FBXO27: variants seen among roughly 807,000 people sequenced by gnomAD.
FBXO27 encodes the protein F-box protein 27.
In FBXO27, 28 loss-of-function variants were observed where a neutral mutation model predicts 28.3. The ratio of observed to expected loss-of-function variants is 0.99; its 90% CI spans 0.73 to 1.36. The LOEUF is 1.36. Ranked by LOEUF, FBXO27 falls within the 40% of genes most tolerant of loss-of-function variation. The pLI, the probability that FBXO27 is intolerant of heterozygous loss-of-function variation, is 0.00. For synonymous variants in FBXO27, 175 were observed against 167.3 expected, an observed-to-expected ratio of 1.05 and a Z score of -0.36; for missense variants, 388 against 394.1, an observed-to-expected ratio of 0.98 and a Z score of 0.13.
chr19:39,032,496 G>C lies in FBXO27; in HGVS notation c.-27+7C>G, dbSNP rs936662683. The C allele has an allele frequency of 4.8e-6, 2 of 412,836 alleles. No homozygotes were observed. Among genetic ancestry groups the C allele is most frequent in the South Asian group, 4.3e-5 (1 of 23,328 alleles). The allele number at this position is 412,836 out of a possible 1,614,324, so 25.6% of individuals were successfully genotyped here. A position where few individuals can be genotyped will look rare whatever the true frequency, so the allele number is the denominator to read the frequency against. ...CGGCCGCACCGACACCGCACCCCAA[G>C]TCCTACCCCGGGGCCTGGCGGCGCT... On this transcript the variant is annotated splice_region_variant and intron_variant, in intron 1 of 5. Coordinates refer to ENST00000292853, the MANE Select transcript of FBXO27 (RefSeq NM_178820.5). The surrounding 1 kb of genome is among the most constrained non-coding windows in gnomAD (Gnocchi z 4.7).
Position 39,032,199 on chromosome 19 carries a change from G to A in FBXO27, c.29C>T (p.Ala10Val). The change falls in exon 2 of 6, where the codon GCC (alanine) becomes GTC (valine). Residue 10 changes from alanine (A) to valine (V), a missense_variant. Physicochemically the swap from Ala to Val is moderately conservative, Grantham distance 64 (BLOSUM62 0). Coordinates refer to ENST00000292853, the MANE Select transcript of FBXO27 (RefSeq NM_178820.5). The surrounding 1 kb of genome is among the most constrained non-coding windows in gnomAD (Gnocchi z 4.7). Reference protein sequence around the residue: MGASVSRGRAARVPAPEPEP... With the variant: MGASVSRGRVARVPAPEPEP... Reference sequence around the variant, plus strand: ...CGGCTCCGGCGCGGGGACCCGGGCGGCCCGGCCCCTGGAGACCGAGGCGCC... The same window carrying A: ...CGGCTCCGGCGCGGGGACCCGGGCGACCCGGCCCCTGGAGACCGAGGCGCC... The A allele has an allele frequency of 1.4e-6, 2 of 1,476,520 alleles. No individual in the cohort carries two copies. The highest frequency in any genetic ancestry group is 2.4e-4 in the Middle Eastern group (1 of 4,196). The allele number at this position is 1,476,520 out of a possible 1,614,324, so 91.5% of individuals were successfully genotyped here.
chr19:39,027,346 C>T (rs1000111855), intron 4 of FBXO27, among the ~76,000 whole-genome samples: 6 of 152,280 alleles, frequency 3.9e-5, no homozygotes, highest in East Asian at 1.9e-4. Context: ...AGATTAACCA[C>T]GTGGGCAATC....
chr19:39,022,146 CTTTTTTTTTTTT>C (rs532602600), downstream of FBXO27, among the ~76,000 whole-genome samples: 8 of 89,052 alleles, frequency 9.0e-5, no homozygotes, highest in South Asian at 4.4e-4. Context: ...ATTTTCTATT[CTTTTTTTTTTTT>C]TTTTTTTTTT....
chr19:39,012,464 G>A (rs902790319), intron 2 of FBXO27, among the ~76,000 whole-genome samples: 18 of 152,012 alleles, frequency 1.2e-4, no homozygotes, highest in African/African-American at 3.4e-4. Flanking sequence ...GATTACAGGC[G>A]TGAGCCACCA....
At chr19:39,023,024 C>T (rs74901745), downstream of FBXO27, among the ~76,000 whole-genome samples, 4,920 of 151,958 alleles carry the variant, frequency 0.032, 199 homozygotes, top group South Asian at 0.19. Flanking sequence ...TGGCTGGTCT[C>T]GAACTCATGA....
rs566326001 is a variant in FBXO27 at position 39,009,409 on chromosome 19, G to A, written c.252+4978C>T. 4.6e-5 allele frequency among the ~76,000 whole-genome samples: 7 copies of A among 152,284 alleles called. No individual in the cohort carries two copies. In the South Asian group the frequency reaches 8.3e-4, roughly 18 times the overall value. ...GCTGCACCATTTTACATTCCCATCA[G>A]CAATGTGTGAGGATAATCTCCATAT... On this transcript the variant is annotated intron_variant, in intron 2 of 2. Transcript: ENST00000598394.
chr19:39,011,921 C>G (rs1297296878), intron 2 of FBXO27, among the ~76,000 whole-genome samples: 1 of 150,914 alleles, frequency 6.6e-6, no homozygotes, highest in Non-Finnish European at 1.5e-5. Context: ...CTCCACCTCC[C>G]GGGTTCACGC....
rs2144897264 is a variant in FBXO27, at chr19:39,025,327, G to A, written c.*84C>T. 5.3e-6 allele frequency: 8 copies of A among 1,503,940 alleles called. No homozygotes were observed. In the South Asian group the frequency reaches 1.1e-4, roughly 20 times the overall value. 93.2% of individuals were successfully genotyped at this position (1,503,940 alleles called of 1,614,324 possible). ...GTATGCCAGGGAGGTACAAGTGCTT[G>A]GTTGGTTAATGAGGGGTCCCAGCCA... is the stretch of plus-strand genomic sequence containing the variant. On this transcript the variant is annotated 3_prime_UTR_variant, in exon 6 of 6. Transcript: ENST00000292853.
chr19:39,027,106 T>C, intron 4 of FBXO27, 101 bp from the exon 5 acceptor site: 1 of 1,457,312 alleles, frequency 6.9e-7, no homozygotes, highest in Non-Finnish European at 9.4e-7. Context: ...CAAATCCAGT[T>C]CCTCTAAAGA....
chr19:39,017,829 G>A (rs2072826941), intron 1 of FBXO27, among the ~76,000 whole-genome samples: 1 of 152,080 alleles, frequency 6.6e-6, no homozygotes, highest in Non-Finnish European at 1.5e-5. Context: ...CCTGTGGGCT[G>A]AAGAAATGGG....
At chr19:39,018,729 A>G (rs79857205) in intron 1 of FBXO27, among the ~76,000 whole-genome samples, 17,874 of 152,210 alleles carry the variant, frequency 0.12, 1,175 homozygotes, top group African/African-American at 0.15. Context: ...TATGCCGGCA[A>G]GCAGGAAATC....
At chr19:39,031,819 C>A in intron 2 of FBXO27, 45 bp downstream of exon 2, 1 of 1,438,236 alleles carries the variant, frequency 7.0e-7, no homozygotes, top group Non-Finnish European at 9.0e-7. Context: ...CGCTACCGCT[C>A]CCACTGTGGC....
At chr19:39,012,027 G>A (rs984448583) in intron 2 of FBXO27, among the ~76,000 whole-genome samples, 2 of 150,898 alleles carry the variant, frequency 1.3e-5, no homozygotes, top group African/African-American at 4.9e-5. Context: ...TAGAGACGTG[G>A]TTTCACCATG....
At chr19:39,007,619 G>C (rs943617196) in intron 2 of FBXO27, among the ~76,000 whole-genome samples, 2 of 148,984 alleles carry the variant, frequency 1.3e-5, no homozygotes, top group African/African-American at 5.2e-5. Flanking sequence ...TTTGTGTTTG[G>C]GCTTTTTTTC....
At position 39,032,354 on chromosome 19, in the gene FBXO27, T is replaced by A; in HGVS notation, c.-26-101A>T. ...GCCAGCCGCACCCCCGTCTTCACCA[T>A]CCCTGGGCCCCGTCCCCAAGTCCCC... On this transcript the variant is annotated intron_variant, in intron 1 of 5. Transcript: ENST00000292853. This position sits in a 1 kb window ranked among gnomAD's most constrained non-coding sequence, Gnocchi z 4.7. The A allele has an allele frequency of 7.7e-7, 1 of 1,294,836 alleles. No homozygotes were observed. Among genetic ancestry groups the A allele is most frequent in the Admixed American group, 4.0e-5 (1 of 25,202 alleles). 80.2% of individuals were successfully genotyped at this position (1,294,836 alleles called of 1,614,324 possible).
chr19:39,015,147 C>T (rs1056350691), intron 1 of FBXO27, among the ~76,000 whole-genome samples: 3 of 150,848 alleles, frequency 2.0e-5, no homozygotes, highest in African/African-American at 7.3e-5. Context: ...AAAACCCCCT[C>T]TCTACAAAAA....
Position 39,027,766 on chromosome 19 carries a change from C to T in FBXO27, c.573-761G>A, listed in dbSNP as rs112138503. ...TGGACTCAGGCGATCTTCCTGCCTC[C>T]GCCTCCCAAAGTGTTGGGACTATAG... On this transcript the variant is annotated intron_variant, in intron 4 of 5. Coordinates refer to ENST00000292853, the MANE Select transcript of FBXO27 (RefSeq NM_178820.5). Among the ~76,000 whole-genome samples the T allele has an allele frequency of 9.1e-3, 1,390 of 151,954 alleles. 11 individuals carry two copies. Among genetic ancestry groups the T allele is most frequent in the Non-Finnish European group, 0.016 (1,056 of 67,930 alleles).
In FBXO27 at chr19:39,025,833, G is replaced by A. The variant is rs534305972; in HGVS notation, c.709-279C>T. Among the ~76,000 whole-genome samples the A allele has an allele frequency of 9.2e-5, 14 of 152,140 alleles. 1 individual carries two copies. In the South Asian group the frequency reaches 1.0e-3, roughly 11 times the overall value. On this transcript the variant is annotated intron_variant, in intron 5 of 5. Coordinates refer to ENST00000292853, the MANE Select transcript of FBXO27 (RefSeq NM_178820.5). ...AGTTCGAGACCAGTCTGGCCAACAC[G>A]GTGAAACCCTGTCTCTACTAAAAAT...
intron 5 of FBXO27, 116 bp downstream of exon 5, chr19:39,026,754 G>A (rs1252444454): frequency 2.7e-6 from 4 of 1,487,164 alleles, no homozygotes; most frequent in Non-Finnish European, 3.7e-6. Flanking sequence ...TTACAGGTGT[G>A]AGCCACCGCA....
Sources: allele counts gnomAD v4.1 joint callset (sites outside exome capture counted in the v4.1 genomes callset), GRCh38; gene constraint gnomAD v4.1.1; non-coding constraint Gnocchi (gnomAD v3.1); transcripts MANE v1.5; gene names NCBI Gene and HGNC (gene_info 2026-07-23, HGNC 2026-07-21).